Variants in CRACR2A observed in about 807,000 individuals in gnomAD.
CRACR2A encodes calcium release activated channel regulator 2A, also known as EF-hand calcium-binding domain-containing protein 4B.
A neutral mutation model predicts 90.5 loss-of-function variants in CRACR2A; 79 were observed. The observed-to-expected ratio is 0.87, with a 90% confidence interval of 0.73 to 1.05. The LOEUF (loss-of-function observed/expected upper bound fraction) is 1.05, where lower values mean the gene tolerates loss of function less well. CRACR2A is among the 50% of genes least tolerant of loss of function. The pLI is 0.00. For missense variants in CRACR2A, 823 were observed against 897.2 expected, an observed-to-expected ratio of 0.92 and a Z score of 1.06; for synonymous variants, 338 against 356.7, an observed-to-expected ratio of 0.95 and a Z score of 0.59.
intron 4 of CRACR2A, among the ~76,000 whole-genome samples, chr12:3,689,834 A>G (rs1335000840): frequency 6.6e-6 from 1 of 151,160 alleles, no homozygotes; most frequent in Non-Finnish European, 1.5e-5. Context: ...AGAGCTCATA[A>G]TTTGTCTGTT....
chr12:3,669,675 G>A (rs1349696009), intron 7 of CRACR2A, among the ~76,000 whole-genome samples: 1 of 152,190 alleles, frequency 6.6e-6, no homozygotes, highest in Non-Finnish European at 1.5e-5. Flanking sequence ...ACACTCTGAG[G>A]GGTTCTCCTG....
intron 3 of CRACR2A, among the ~76,000 whole-genome samples, chr12:3,707,686 T>A (rs1027620991): frequency 3.3e-5 from 5 of 152,194 alleles, no homozygotes; most frequent in African/African-American, 1.2e-4. Context: ...TTTCTTCCCA[T>A]GAACAAGCTT....
intron 19 of CRACR2A, 43 bp from the exon 20 acceptor site, chr12:3,615,482 T>C (rs1336744223): frequency 4.6e-6 from 7 of 1,511,192 alleles, no homozygotes; most frequent in East Asian, 2.5e-5. Context: ...GAGAAGTTGA[T>C]AGGCCCAGGG....
At chr12:3,660,457 G>C (rs759147989) in intron 7 of CRACR2A, among the ~76,000 whole-genome samples, 32 of 152,030 alleles carry the variant, frequency 2.1e-4, no homozygotes, top group Non-Finnish European at 4.6e-4. Context: ...TAAGTACCTA[G>C]AGAGATGAAG....
intron 7 of CRACR2A, among the ~76,000 whole-genome samples, chr12:3,667,337 A>G (rs1017262707): frequency 1.3e-5 from 2 of 152,064 alleles, no homozygotes; most frequent in Admixed American, 6.6e-5. Flanking sequence ...AACTCCATAC[A>G]TTTGCATTTA....
Position 3,673,563 on chromosome 12 carries a change from T to A in CRACR2A, c.554A>T (p.Gln185Leu), listed in dbSNP as rs1174718907. ...TAAATGAGGTTCCTCCTTCTTCAGCTGCAACCAGAGCTGCTTGACATCACT... is the reference window on the plus strand; with the variant it reads ...TAAATGAGGTTCCTCCTTCTTCAGCAGCAACCAGAGCTGCTTGACATCACT... The part of the protein sequence containing the change: ...DESDVKQLWL[Q>L]LKKEEPHLLS... Residue 185 changes from glutamine (Q) to leucine (L), a missense_variant, in exon 7 of 20, where the codon CAG becomes CTG. Transcript: ENST00000440314. The A allele has an allele frequency of 6.2e-7, 1 of 1,613,906 alleles. No individual in the cohort carries two copies. Among genetic ancestry groups the A allele is most frequent in the East Asian group, 2.2e-5 (1 of 44,882 alleles).
chr12:3,678,796 A>G, intron 6 of CRACR2A, 119 bp downstream of exon 6: 2 of 1,148,058 alleles, frequency 1.7e-6, no homozygotes, highest in Middle Eastern at 2.2e-4. Flanking sequence ...CTTTACCTGC[A>G]CTGCATTCCA....
Position 3,745,825 on chromosome 12 carries a change from T to TA in CRACR2A, c.-387+7189dup, listed in dbSNP as rs149739964. Among the ~76,000 whole-genome samples, 92 of 100,530 alleles carry TA rather than the reference T, an allele frequency of 9.2e-4. 1 individual carries two copies. Among genetic ancestry groups the TA allele is most frequent in the African/African-American group, 1.6e-3 (41 of 24,890 alleles). 66.0% of individuals were successfully genotyped at this position (100,530 alleles called of 152,430 possible). On this transcript the variant is annotated intron_variant, in intron 1 of 19. Coordinates refer to ENST00000440314, the MANE Select transcript of CRACR2A (RefSeq NM_001144958.2). ...TAAAATAAAATAAAATAAAATAAAA[T>TA]AAAGAAAGAAAAGAGAAGAGAAAAG... is the stretch of plus-strand genomic sequence containing the variant.
intron 1 of CRACR2A, among the ~76,000 whole-genome samples, chr12:3,733,973 A>ATTTTT (rs1166347439): frequency 0.058 from 5,807 of 99,626 alleles, 1,114 homozygotes; most frequent in Non-Finnish European, 0.079. Flanking sequence ...ATTTTGCCTT[A>ATTTTT]TTTTTTTTTT....
At chr12:3,734,137 A>AT (rs1386721485) in intron 1 of CRACR2A, among the ~76,000 whole-genome samples, 6 of 151,000 alleles carry the variant, frequency 4.0e-5, no homozygotes, top group East Asian at 1.9e-4. Context: ...CACCCGGCTA[A>AT]TTTTTTTTAA....
At chr12:3,696,287 T>C (rs1167662019) in intron 4 of CRACR2A, among the ~76,000 whole-genome samples, 1 of 152,226 alleles carries the variant, frequency 6.6e-6, no homozygotes, top group African/African-American at 2.4e-5. Flanking sequence ...CTGCATACCA[T>C]CTCTCTGGAG....
intron 3 of CRACR2A, among the ~76,000 whole-genome samples, chr12:3,706,698 T>C (rs1945928297): frequency 6.6e-6 from 1 of 152,214 alleles, no homozygotes; most frequent in East Asian, 1.9e-4. Flanking sequence ...GCCCCTGGAT[T>C]CAAGCAAGTC....
intron 2 of CRACR2A, among the ~76,000 whole-genome samples, chr12:3,716,421 GT>G (rs1295996850): frequency 6.6e-6 from 1 of 152,220 alleles, no homozygotes; most frequent in African/African-American, 2.4e-5. Context: ...GGGCACAAGG[GT>G]TTTGTCAAAC....
chr12:3,719,106 C>A (rs935219958), intron 2 of CRACR2A, among the ~76,000 whole-genome samples: 2 of 152,154 alleles, frequency 1.3e-5, no homozygotes, highest in Non-Finnish European at 2.9e-5. Flanking sequence ...GTTAACACAG[C>A]AGATGTTATG....
At chr12:3,646,880 C>T (rs1022257392) in intron 11 of CRACR2A, among the ~76,000 whole-genome samples, 4 of 152,154 alleles carry the variant, frequency 2.6e-5, no homozygotes, top group African/African-American at 7.2e-5. Context: ...TTGTTTGCAT[C>T]GCTGCTCTAC....
rs555764063 is a variant in CRACR2A at position 3,750,861 on chromosome 12, C to T, written c.-387+2154G>A. Among the ~76,000 whole-genome samples, 17 of 152,268 alleles carry T rather than the reference C, an allele frequency of 1.1e-4. No homozygotes were observed. In the South Asian group the frequency reaches 1.7e-3, roughly 15 times the overall value. ...CCCAAGGCAGAATGGATGGCTACTGCGGCCACTGCCCCAGTGCTGGGGCCT... is the reference window on the plus strand; with the variant it reads ...CCCAAGGCAGAATGGATGGCTACTGTGGCCACTGCCCCAGTGCTGGGGCCT... On this transcript the variant is annotated intron_variant, in intron 1 of 19. Transcript: ENST00000440314.
At position 3,633,828 on chromosome 12, in the gene CRACR2A, G is replaced by T; in HGVS notation, c.1603-92C>A. On this transcript the variant is annotated intron_variant, in intron 14 of 19. Transcript: ENST00000440314. The surrounding 1 kb of genome is among the most constrained non-coding windows in gnomAD (Gnocchi z 4.5). ...GAGGCCCTTTACCCATCCCTACAGT[G>T]GCCCTCAGGAGGTGCAGACCGGCCT... 1 of 1,518,906 alleles carries T rather than the reference G, an allele frequency of 6.6e-7. No individual in the cohort carries two copies. 94.1% of individuals were successfully genotyped at this position (1,518,906 alleles called of 1,614,324 possible).
In CRACR2A at chr12:3,657,130, C is replaced by T. The variant is rs906404609; in HGVS notation, c.763-724G>A. Among the ~76,000 whole-genome samples the T allele has an allele frequency of 2.6e-5, 4 of 152,360 alleles. No homozygotes were observed. In the East Asian group the frequency reaches 7.7e-4, roughly 29 times the overall value. On this transcript the variant is annotated intron_variant, in intron 8 of 19. Coordinates refer to ENST00000440314, the MANE Select transcript of CRACR2A (RefSeq NM_001144958.2). ...GAGCCAGATCTGTGGTGTAAGGCCC[C>T]TGAGCCGAGCGGGACACAACTTGGG...
At chr12:3,708,457 C>T (rs925887387) in intron 3 of CRACR2A, among the ~76,000 whole-genome samples, 36 of 152,318 alleles carry the variant, frequency 2.4e-4, no homozygotes, top group South Asian at 4.1e-4. Flanking sequence ...CGGAGTCTCA[C>T]TCAGTCGCCC....
Sources: gnomAD v4.1 joint callset for allele counts (sites outside exome capture counted in the v4.1 genomes callset) on GRCh38, gnomAD v4.1.1 for gene constraint, Gnocchi (gnomAD v3.1) non-coding constraint, MANE v1.5 for transcripts, NCBI Gene and HGNC (gene_info 2026-07-23, HGNC 2026-07-21) for gene names.